Variants in GCN1 observed in about 807,000 individuals in gnomAD.
GCN1 encodes stalled ribosome sensor GCN1.
GCN1 carries 90 observed loss-of-function variants against 288.4 expected under a neutral mutation model. The ratio of observed to expected loss-of-function variants is 0.31; its 90% CI spans 0.26 to 0.37. The LOEUF (loss-of-function observed/expected upper bound fraction) is 0.37. Among genes scored for constraint, GCN1 ranks in the 10% least tolerant of loss-of-function variants. The pLI is 1.00. For synonymous variants in GCN1, 1,386 were observed against 1,420.2 expected, an observed-to-expected ratio of 0.98 and a Z score of 0.54; for missense variants, 2,586 against 3,419.9, an observed-to-expected ratio of 0.76 and a Z score of 6.08.
rs1316572952 is a variant in GCN1 at position 120,157,823 on chromosome 12, G to A, written c.3087+26C>T. 3 of 1,600,836 alleles carry A rather than the reference G, an allele frequency of 1.9e-6. No individual in the cohort carries two copies. In the East Asian group the frequency reaches 6.7e-5, roughly 36 times the overall value. The stretch of plus-strand genomic sequence containing the variant: ...GCCTCCCTGATCCCCTTTAAACCAA[G>A]AGGAGAGCAGAGCTTCCCTGCCAAC... On this transcript the variant is annotated intron_variant, in intron 26 of 57. Transcript: ENST00000300648.
chr12:120,151,488 T>C, intron 33 of GCN1, 97 bp from the exon 34 acceptor site: 1 of 1,299,734 alleles, frequency 7.7e-7, no homozygotes, highest in Non-Finnish European at 1.1e-6. Flanking sequence ...CACCACTAGA[T>C]GTCCCAAGCC....
intron 16 of GCN1, among the ~76,000 whole-genome samples, chr12:120,167,186 A>C (rs924776421): frequency 1.2e-4 from 18 of 151,730 alleles, no homozygotes; most frequent in African/African-American, 3.1e-4. Flanking sequence ...CTAAGAAAAA[A>C]AAAAACAAAA....
Position 120,155,752 on chromosome 12 carries a change from T to A in GCN1, c.3313-33A>T. The A allele has an allele frequency of 3.1e-6, 5 of 1,610,984 alleles. No individual in the cohort carries two copies. The highest frequency in any genetic ancestry group is 3.4e-6 in the Non-Finnish European group (4 of 1,178,078). Reference sequence around the variant, plus strand: ...GGGTGGGATTGGACCGTGTGAGGCATCATCTTTCAGAAGAGCCTCTGACCT... The same window carrying A: ...GGGTGGGATTGGACCGTGTGAGGCAACATCTTTCAGAAGAGCCTCTGACCT... On this transcript the variant is annotated intron_variant, in intron 28 of 57. Transcript: ENST00000300648. The surrounding 1 kb of genome is among the most constrained non-coding windows in gnomAD (Gnocchi z 4.9).
At position 120,192,338 on chromosome 12, in the gene GCN1, G is replaced by A. The variant is rs570776777; in HGVS notation, c.19-1938C>T. ...CCTGAACATGTACTTTCTTGTGTTT[G>A]GGTGAAGCACAGCCTCCATTTTGTA... On this transcript the variant is annotated intron_variant, in intron 1 of 57. Coordinates refer to ENST00000300648, the MANE Select transcript of GCN1 (RefSeq NM_006836.2). 3.9e-5 allele frequency among the ~76,000 whole-genome samples: 6 copies of A among 152,264 alleles called. No individual in the cohort carries two copies. The East Asian group carries it at 1.2e-3, about 29-fold the overall frequency.
intron 31 of GCN1, among the ~76,000 whole-genome samples, chr12:120,154,627 C>G (rs1365327992): frequency 6.6e-6 from 1 of 152,250 alleles, no homozygotes; most frequent in Non-Finnish European, 1.5e-5. Context: ...AAAGGAGAAA[C>G]ACGCTCACGG....
Position 120,169,989 on chromosome 12 carries a change from C to G in GCN1, c.1519+180G>C, listed in dbSNP as rs192409775. Among the ~76,000 whole-genome samples, 6 of 152,348 alleles carry G rather than the reference C, an allele frequency of 3.9e-5. No individual in the cohort carries two copies. In the East Asian group the frequency reaches 1.2e-3, roughly 29 times the overall value. On this transcript the variant is annotated intron_variant, in intron 15 of 57. Transcript: ENST00000300648. ...GAATGAAGGAGGACAGTGACACAGT[C>G]CCCTGACTGCATTCCCACTGCCCAT...
chr12:120,175,949 C>A, intron 10 of GCN1, 75 bp from the exon 11 acceptor site: 2 of 1,521,316 alleles, frequency 1.3e-6, no homozygotes, highest in Admixed American at 4.1e-5. Flanking sequence ...CTTTTCCATG[C>A]CCCCATCTCT....
At chr12:120,183,325 C>A (rs539506219) in intron 5 of GCN1, among the ~76,000 whole-genome samples, 1 of 152,294 alleles carries the variant, frequency 6.6e-6, no homozygotes, top group Non-Finnish European at 1.5e-5. Flanking sequence ...TTCTGTTGTG[C>A]ATCACTGCAT....
intron 53 of GCN1, among the ~76,000 whole-genome samples, chr12:120,133,355 C>T (rs1237837539): frequency 6.6e-6 from 1 of 152,226 alleles, no homozygotes; most frequent in Non-Finnish European, 1.5e-5. Flanking sequence ...CAACTCCCTA[C>T]TGGCCCCACA....
intron 21 of GCN1, 62 bp from the exon 22 acceptor site, chr12:120,161,645 C>A: frequency 8.0e-7 from 1 of 1,256,968 alleles, no homozygotes; most frequent in South Asian, 1.2e-5. Context: ...GTCAGCCTCC[C>A]GCCAGCCATG....
intron 36 of GCN1, among the ~76,000 whole-genome samples, chr12:120,149,100 G>GT (rs994297684): frequency 4.6e-5 from 7 of 151,988 alleles, no homozygotes; most frequent in Middle Eastern, 6.9e-3. Context: ...GCTTTCCTGG[G>GT]GGGGGAAAAC....
At chr12:120,183,279 C>T (rs985109526) in intron 5 of GCN1, among the ~76,000 whole-genome samples, 4 of 152,208 alleles carry the variant, frequency 2.6e-5, no homozygotes, top group African/African-American at 7.2e-5. Flanking sequence ...TGGCCTGTCA[C>T]GGCTTCCACA....
At chr12:120,139,667 T>C (rs1877127904) in intron 45 of GCN1, among the ~76,000 whole-genome samples, 1 of 151,806 alleles carries the variant, frequency 6.6e-6, no homozygotes, top group Non-Finnish European at 1.5e-5. Flanking sequence ...TGCACCCCCA[T>C]GTATCCTTCA....
intron 5 of GCN1, among the ~76,000 whole-genome samples, chr12:120,182,979 A>G (rs1878713301): frequency 6.6e-6 from 1 of 151,634 alleles, no homozygotes; most frequent in African/African-American, 2.4e-5. Flanking sequence ...ACACTAAAAA[A>G]CCACTCCTCA....
At chr12:120,165,680 GC>G (rs1878100231) in intron 16 of GCN1, among the ~76,000 whole-genome samples, 1 of 151,432 alleles carries the variant, frequency 6.6e-6, no homozygotes, top group African/African-American at 2.4e-5. Context: ...CACCATGTTG[GC>G]CAGGATAATT....
rs559999243 is a variant in GCN1 at position 120,179,636 on chromosome 12, T to C, written c.427-686A>G. 7.3e-3 allele frequency among the ~76,000 whole-genome samples: 1,111 copies of C among 152,116 alleles called. 15 individuals carry two copies. The highest frequency in any genetic ancestry group is 8.5e-3 in the Non-Finnish European group (575 of 67,962). On this transcript the variant is annotated intron_variant, in intron 5 of 57. Coordinates refer to ENST00000300648, the MANE Select transcript of GCN1 (RefSeq NM_006836.2). ...GGATGGTCTCGATCTCCTGACCTCA[T>C]GATCCGCCCGCCTCGGCCTCCCAAA...
chr12:120,157,515 A>C (rs566368772), intron 26 of GCN1, among the ~76,000 whole-genome samples: 1 of 152,358 alleles, frequency 6.6e-6, no homozygotes, highest in South Asian at 2.1e-4. Flanking sequence ...AACAGGAAAA[A>C]GTTAGAAACA....
At chr12:120,164,200 G>A (rs1008925216) in intron 18 of GCN1, 136 bp downstream of exon 18, 15 of 690,178 alleles carry the variant, frequency 2.2e-5, no homozygotes, top group East Asian at 5.2e-5. Context: ...GGAGCTTGAC[G>A]GCAGAGCAGA....
intron 20 of GCN1, 89 bp from the exon 21 acceptor site, chr12:120,162,147 C>G: frequency 1.9e-6 from 2 of 1,070,448 alleles, no homozygotes; most frequent in Non-Finnish European, 2.7e-6. Flanking sequence ...AGCACTGGCT[C>G]CCCTTCTTTA....
Sources: gnomAD v4.1 joint callset for allele counts (sites outside exome capture counted in the v4.1 genomes callset) on GRCh38, gnomAD v4.1.1 for gene constraint, Gnocchi (gnomAD v3.1) non-coding constraint, MANE v1.5 for transcripts, NCBI Gene and HGNC (gene_info 2026-07-23, HGNC 2026-07-21) for gene names.